PATJ: variants seen among roughly 807,000 people sequenced by gnomAD.
The protein encoded by PATJ is PATJ crumbs cell polarity complex component.
PATJ carries 190 observed loss-of-function variants against 224.9 expected under a neutral mutation model. The observed-to-expected ratio is 0.84, with a 90% CI of 0.75 to 0.95. The LOEUF (loss-of-function observed/expected upper bound fraction) is 0.95, where lower values mean the gene tolerates loss of function less well. Ranked by LOEUF, PATJ falls within the 40% of genes least tolerant of loss-of-function variation. The pLI is 0.00. For synonymous variants in PATJ, 769 were observed against 820.3 expected, an observed-to-expected ratio of 0.94 and a Z score of 1.07; for missense variants, 2,121 against 2,270.3, an observed-to-expected ratio of 0.93 and a Z score of 1.34.
chr1:61,976,381 G>A (rs1258621555), intron 27 of PATJ, among the ~76,000 whole-genome samples: 1 of 151,944 alleles, frequency 6.6e-6, no homozygotes, highest in East Asian at 1.9e-4. Flanking sequence ...TATACTTATA[G>A]CATTGTTGTG....
chr1:61,919,467 C>T (rs1673962586), intron 26 of PATJ, among the ~76,000 whole-genome samples: 2 of 147,758 alleles, frequency 1.4e-5, no homozygotes, highest in Non-Finnish European at 3.0e-5. Flanking sequence ...CCACGCCCAG[C>T]TAGTTTTTTG....
In PATJ at chr1:62,147,796, T is replaced by TA. The variant is rs34657838; in HGVS notation, c.5272-471dup. Among the ~76,000 whole-genome samples the TA allele has an allele frequency of 8.5e-3, 1,090 of 128,456 alleles. 5 individuals carry two copies. The highest frequency in any genetic ancestry group is 0.026 in the African/African-American group (887 of 34,566). The allele number at this position is 128,456 out of a possible 152,430, so 84.3% of individuals were successfully genotyped here. On this transcript the variant is annotated intron_variant, in intron 41 of 43. Coordinates refer to ENST00000642238, the MANE Select transcript of PATJ (RefSeq NM_001350145.3). ...CCTGGTGACAGAGCGAGACTCCGAC[T>TA]AAAAAAAAAAAAAAAAATTAGCCAG... is the stretch of plus-strand genomic sequence containing the variant.
At chr1:61,833,546 A>G (rs1407904924) in intron 16 of PATJ, 108 bp from the exon 17 acceptor site, 1 of 1,108,568 alleles carries the variant, frequency 9.0e-7, no homozygotes, top group African/African-American at 1.6e-5. Context: ...TACGCATGCC[A>G]AAGAGAATTC....
At chr1:61,837,287 C>G (rs1420237442) in intron 17 of PATJ, among the ~76,000 whole-genome samples, 1 of 152,118 alleles carries the variant, frequency 6.6e-6, no homozygotes, top group Non-Finnish European at 1.5e-5. Flanking sequence ...AAAGATGGCA[C>G]CACACTATAA....
chr1:61,814,130 C>CTTTTTTTTTTTTTTT (rs762502160), intron 14 of PATJ, among the ~76,000 whole-genome samples: 4 of 85,910 alleles, frequency 4.7e-5, no homozygotes, highest in East Asian at 3.8e-4. Flanking sequence ...TTATTCTCTT[C>CTTTTTTTTTTTTTTT]TTTTTTTTTT....
At chr1:61,963,208 CT>C (rs1241849525) in intron 27 of PATJ, among the ~76,000 whole-genome samples, 2 of 152,182 alleles carry the variant, frequency 1.3e-5, no homozygotes, top group African/African-American at 4.8e-5. Context: ...CTACTCTTGG[CT>C]TTACCAATAA....
At chr1:61,798,405 C>T (rs1651792824) in intron 11 of PATJ, among the ~76,000 whole-genome samples, 1 of 151,780 alleles carries the variant, frequency 6.6e-6, no homozygotes, top group Non-Finnish European at 1.5e-5. Context: ...TCCTGTGTTG[C>T]CCATGCTAGT....
chr1:62,068,046 C>T (rs1333961091), intron 31 of PATJ, among the ~76,000 whole-genome samples: 6 of 152,206 alleles, frequency 3.9e-5, no homozygotes, highest in East Asian at 1.9e-4. Flanking sequence ...CCACCCACCT[C>T]GGCCTTACAC....
At chr1:62,152,655 G>GA (rs111475924) in intron 42 of PATJ, among the ~76,000 whole-genome samples, 20 of 145,646 alleles carry the variant, frequency 1.4e-4, no homozygotes, top group East Asian at 1.0e-3. Flanking sequence ...TGTCTCAAAA[G>GA]AAAAAAAAAA....
chr1:61,901,744 G>T (rs1671183403), intron 24 of PATJ, among the ~76,000 whole-genome samples: 1 of 152,154 alleles, frequency 6.6e-6, no homozygotes, highest in African/African-American at 2.4e-5. Flanking sequence ...TAGGCATTAT[G>T]CTTCTCCCAC....
chr1:62,080,943 T>G (rs1223935856), intron 32 of PATJ, among the ~76,000 whole-genome samples: 6 of 152,174 alleles, frequency 3.9e-5, no homozygotes, highest in Non-Finnish European at 8.8e-5. Flanking sequence ...TTTTAAAGGT[T>G]GAAAAAACAC....
chr1:62,130,493 C>A (rs902261818), intron 41 of PATJ, among the ~76,000 whole-genome samples: 3 of 151,540 alleles, frequency 2.0e-5, no homozygotes, highest in African/African-American at 7.3e-5. Context: ...TGGTATGATA[C>A]CCCATCTCTA....
intron 5 of PATJ, among the ~76,000 whole-genome samples, chr1:61,770,911 GA>G (rs560218361): frequency 0.24 from 28,824 of 119,412 alleles, 2,863 homozygotes; most frequent in Non-Finnish European, 0.28. Context: ...GACCATGCCT[GA>G]AAAAAAAAAA....
chr1:62,084,448 T>A, intron 32 of PATJ, 67 bp from the exon 33 acceptor site: 1 of 1,526,240 alleles, frequency 6.6e-7, no homozygotes, highest in Non-Finnish European at 8.8e-7. Context: ...ACTCCCCACG[T>A]GATGGAACGT....
intron 4 of PATJ, among the ~76,000 whole-genome samples, chr1:61,767,960 T>G (rs1646382617): frequency 6.6e-6 from 1 of 151,886 alleles, no homozygotes; most frequent in African/African-American, 2.4e-5. Context: ...CATGAGCCAT[T>G]GCGCCGGGCC....
intron 27 of PATJ, among the ~76,000 whole-genome samples, chr1:61,944,127 C>T (rs1394922832): frequency 6.6e-6 from 1 of 152,172 alleles, no homozygotes; most frequent in Non-Finnish European, 1.5e-5. Context: ...GAAACCAGAG[C>T]AGAAAAGCTG....
intron 14 of PATJ, among the ~76,000 whole-genome samples, chr1:61,818,265 C>A (rs559590527): frequency 2.0e-5 from 3 of 152,282 alleles, no homozygotes; most frequent in Middle Eastern, 6.8e-3. Flanking sequence ...TTCCTTGTAT[C>A]CTTTACTTAT....
intron 21 of PATJ, among the ~76,000 whole-genome samples, chr1:61,876,736 G>A (rs188660159): frequency 1.6e-4 from 24 of 152,204 alleles, no homozygotes; most frequent in African/African-American, 4.8e-4. Context: ...TATATGGGCT[G>A]GTGTTTGGGT....
At chr1:61,910,363 G>C (rs1409842463) in intron 25 of PATJ, among the ~76,000 whole-genome samples, 1 of 152,060 alleles carries the variant, frequency 6.6e-6, no homozygotes, top group Non-Finnish European at 1.5e-5. Context: ...ACCATGCCAT[G>C]CTCAAGTTAC....
Sources: gnomAD v4.1 joint callset for allele counts (sites outside exome capture counted in the v4.1 genomes callset) on GRCh38, gnomAD v4.1.1 for gene constraint, MANE v1.5 for transcripts, NCBI Gene and HGNC (gene_info 2026-07-23, HGNC 2026-07-21) for gene names.